Variants in PITPNM2 observed in about 807,000 individuals in gnomAD.
The protein encoded by PITPNM2 is membrane-associated phosphatidylinositol transfer protein 2.
PITPNM2 carries 35 observed loss-of-function variants against 132.2 expected under a neutral mutation model. The observed-to-expected ratio is 0.26, with a 90% CI of 0.20 to 0.35. The LOEUF (loss-of-function observed/expected upper bound fraction) is 0.35, where lower values mean the gene tolerates loss of function less well. Ranked by LOEUF, PITPNM2 falls within the 10% of genes least tolerant of loss-of-function variation. The pLI, the probability that PITPNM2 is intolerant of heterozygous loss-of-function variation, is 1.00. For missense variants in PITPNM2, 1,332 were observed against 1,912.0 expected (o/e 0.70, Z 5.66); for synonymous variants, 738 against 799.2 (o/e 0.92, Z 1.29).
chr12:123,014,205 A>G (rs1334369608), intron 3 of PITPNM2, among the ~76,000 whole-genome samples, 163 bp from the exon 4 acceptor site: 1 of 152,216 alleles, frequency 6.6e-6, no homozygotes, highest in African/African-American at 2.4e-5. Context: ...TCTATATGCC[A>G]GGGCTTGTGC....
intron 2 of PITPNM2, among the ~76,000 whole-genome samples, chr12:123,075,223 A>G (rs2136946145): frequency 6.6e-6 from 1 of 152,354 alleles, no homozygotes; most frequent in East Asian, 1.9e-4. Context: ...GGAAACTCAC[A>G]AGAGAGACTG....
chr12:123,112,813 CAGGCG>C, intron 1 of PITPNM2, among the ~76,000 whole-genome samples: 1 of 152,178 alleles, frequency 6.6e-6, no homozygotes, highest in Non-Finnish European at 1.5e-5. Flanking sequence ...GCAGGGATTA[CAGGCG>C]TGAGCCACTG....
intron 1 of PITPNM2, among the ~76,000 whole-genome samples, chr12:123,144,465 C>T (rs986934046): frequency 6.6e-6 from 1 of 152,204 alleles, no homozygotes; most frequent in African/African-American, 2.4e-5. Flanking sequence ...CAGAGTCTCA[C>T]TCTGTCGCCA....
intron 2 of PITPNM2, chr12:123,090,012 G>A (rs2042215783): frequency 6.6e-6 from 1 of 152,204 alleles, no homozygotes; most frequent in Non-Finnish European, 1.5e-5. Context: ...ATCTACAGCT[G>A]TATAACAAAT....
chr12:123,002,576 C>T (rs1308239599), intron 8 of PITPNM2, among the ~76,000 whole-genome samples: 1 of 152,092 alleles, frequency 6.6e-6, no homozygotes, highest in Non-Finnish European at 1.5e-5. Context: ...CGACACTTGG[C>T]TAATTTTTTT....
In PITPNM2 at chr12:123,022,739, C is replaced by A. The variant is rs1592951657; in HGVS notation, c.79-8697G>T. Among the ~76,000 whole-genome samples, 1 of 152,216 alleles carries A rather than the reference C, an allele frequency of 6.6e-6. No individual in the cohort carries two copies. The highest frequency in any genetic ancestry group is 2.1e-4 in the South Asian group (1 of 4,830). On this transcript the variant is annotated intron_variant, in intron 3 of 25. Coordinates refer to ENST00000320201, the MANE Select transcript of PITPNM2 (RefSeq NM_020845.3). This position sits in a 1 kb window ranked among gnomAD's most constrained non-coding sequence, Gnocchi z 4.9. ...CACAGATTGCATTAAACTGCAGAAA[C>A]CTGCATGTGCATCAGAACCCCCAAC...
chr12:123,136,680 G>C (rs778197120), intron 1 of PITPNM2, among the ~76,000 whole-genome samples: 1 of 151,892 alleles, frequency 6.6e-6, no homozygotes, highest in African/African-American at 2.4e-5. Context: ...GGTGGATCAC[G>C]AGGTCAGGAG....
rs775367274 is a variant in PITPNM2 at position 123,097,731 on chromosome 12, G to T, written c.-96+12654C>A. ...GTGCCTATATTTATCGCCCAAAGCC[G>T]CTGGGATAATGGCAAGGCCAGAAAT... On this transcript the variant is annotated intron_variant, in intron 2 of 25. Coordinates refer to ENST00000320201, the MANE Select transcript of PITPNM2 (RefSeq NM_020845.3). The surrounding 1 kb of genome is among the most constrained non-coding windows in gnomAD (Gnocchi z 4.7). Among the ~76,000 whole-genome samples, 1 of 152,152 alleles carries T rather than the reference G, an allele frequency of 6.6e-6. No homozygotes were observed. The highest frequency in any genetic ancestry group is 2.1e-4 in the South Asian group (1 of 4,836).
Position 122,997,636 on chromosome 12 carries a change from G to T in PITPNM2, c.1225-64C>A, listed in dbSNP as rs1387928497. Reference sequence around the variant, plus strand: ...CCCAGCTCCTTGCTGAGGCCCCTCTGTCACCCTTGTTGGGGGTGTGCCTCT... The same window carrying T: ...CCCAGCTCCTTGCTGAGGCCCCTCTTTCACCCTTGTTGGGGGTGTGCCTCT... On this transcript the variant is annotated intron_variant, in intron 10 of 25. Transcript: ENST00000320201. The T allele has an allele frequency of 3.2e-6, 5 of 1,568,424 alleles. No homozygotes were observed. The East Asian group carries it at 1.1e-4, about 35-fold the overall frequency.
At chr12:122,999,924 GCAGGTGGGGAAA>G (rs1377503571) in intron 10 of PITPNM2, among the ~76,000 whole-genome samples, 1 of 152,196 alleles carries the variant, frequency 6.6e-6, no homozygotes, top group Non-Finnish European at 1.5e-5. Context: ...TGTGTGTGCT[GCAGGTGGGGAAA>G]GGGATCCGTT....
rs1469112623 is a variant in PITPNM2 at position 122,996,835 on chromosome 12, C to T, written c.1548G>A (p.Leu516=). Residue 516 remains leucine (L), a synonymous_variant, in exon 12 of 26, where the codon CTG becomes CTA. Coordinates refer to ENST00000320201, the MANE Select transcript of PITPNM2 (RefSeq NM_020845.3). ...GGTACTGGGGGGAGGAGGTGGCCAG[C>T]AGGGGGAGGGCAGCCAGGGGAATGT... ...QDHIPLAALP[L]LATSSPQYQE... 1 of 1,598,800 alleles carries T rather than the reference C, an allele frequency of 6.3e-7. No individual in the cohort carries two copies. The highest frequency in any genetic ancestry group is 8.5e-7 in the Non-Finnish European group (1 of 1,176,150).
intron 1 of PITPNM2, among the ~76,000 whole-genome samples, chr12:123,144,889 A>G (rs1188042918): frequency 6.6e-6 from 1 of 152,260 alleles, no homozygotes; most frequent in East Asian, 1.9e-4. Flanking sequence ...CATATATAAA[A>G]TAAGATTACA....
At position 122,985,919 on chromosome 12, in the gene PITPNM2, G is replaced by T; in HGVS notation, c.*108C>A. The T allele has an allele frequency of 1.8e-6, 2 of 1,087,372 alleles. No individual in the cohort carries two copies. The highest frequency in any genetic ancestry group is 2.4e-6 in the Non-Finnish European group (2 of 823,916). The allele number at this position is 1,087,372 out of a possible 1,614,324, so 67.4% of individuals were successfully genotyped here. A position where few individuals can be genotyped will look rare whatever the true frequency, so the allele number is the denominator to read the frequency against. ...GCCCGTGTCCTCCACAAGGCCCTGG[G>T]ACAATCTCCCAGGCCCACGTCAGTG... On this transcript the variant is annotated 3_prime_UTR_variant, in exon 26 of 26. Transcript: ENST00000320201.
chr12:122,987,213 T>A, intron 23 of PITPNM2, 68 bp downstream of exon 23: 1 of 1,590,686 alleles, frequency 6.3e-7, no homozygotes, highest in Non-Finnish European at 8.6e-7. Context: ...CTCCTCCACC[T>A]GGCTGGTGGG....
chr12:123,034,227 G>A (rs913087424), intron 3 of PITPNM2: 9 of 411,256 alleles, frequency 2.2e-5, no homozygotes, highest in African/African-American at 9.9e-5. Flanking sequence ...TAGGGATAAC[G>A]TCTGGGCCAG....
chr12:123,038,600 C>T (rs968809105), intron 2 of PITPNM2, among the ~76,000 whole-genome samples: 3 of 152,200 alleles, frequency 2.0e-5, no homozygotes, highest in Non-Finnish European at 4.4e-5. Context: ...GGATTCTGCT[C>T]GGCAGAGCTG....
chr12:123,063,627 T>G (rs1273702584), intron 2 of PITPNM2, among the ~76,000 whole-genome samples: 1 of 152,126 alleles, frequency 6.6e-6, no homozygotes, highest in Non-Finnish European at 1.5e-5. Context: ...CTGGTCAGAA[T>G]GCAGATGAGA....
chr12:123,058,532 TC>T lies in PITPNM2; in HGVS notation c.-95-23848del, dbSNP rs2041120673. On this transcript the variant is annotated intron_variant, in intron 2 of 25. Coordinates refer to ENST00000320201, the MANE Select transcript of PITPNM2 (RefSeq NM_020845.3). The surrounding 1 kb of genome is among the most constrained non-coding windows in gnomAD (Gnocchi z 4.0). ...AAGCCATCATGCCCCACCCACAGCC[TC>T]TCCAGGGCCTCTCTCACTCCACCAT... 6.6e-6 allele frequency among the ~76,000 whole-genome samples: 1 copy of T among 152,132 alleles called. No homozygotes were observed. Among genetic ancestry groups the T allele is most frequent in the South Asian group, 2.1e-4 (1 of 4,824 alleles).
At chr12:123,119,533 AT>A (rs2042993690) in intron 1 of PITPNM2, among the ~76,000 whole-genome samples, 1 of 151,102 alleles carries the variant, frequency 6.6e-6, no homozygotes, top group African/African-American at 2.4e-5. Flanking sequence ...AATTTTTTGT[AT>A]TTTTTAGTAG....
Sources: gnomAD v4.1 joint callset for allele counts (sites outside exome capture counted in the v4.1 genomes callset) on GRCh38, gnomAD v4.1.1 for gene constraint, Gnocchi (gnomAD v3.1) non-coding constraint, MANE v1.5 for transcripts, NCBI Gene and HGNC (gene_info 2026-07-23, HGNC 2026-07-21) for gene names.